ZNF410: variants seen among roughly 807,000 people sequenced by gnomAD.
The protein encoded by ZNF410 is another partner for ARF 1.
Under a neutral mutation model 54.8 loss-of-function variants are expected in ZNF410, and 18 were observed. The observed-to-expected ratio is 0.33, with a 90% CI of 0.23 to 0.49. The LOEUF is 0.49. ZNF410 is among the 20% of genes least tolerant of loss of function. The pLI is 0.99. For synonymous variants in ZNF410, 191 were observed against 207.3 expected, an observed-to-expected ratio of 0.92 and a Z score of 0.68; for missense variants, 405 against 569.6, an observed-to-expected ratio of 0.71 and a Z score of 2.94.
At chr14:73,896,079 C>T (rs1006513893) in intron 3 of ZNF410, 13 of 511,164 alleles carry the variant, frequency 2.5e-5, no homozygotes, top group Non-Finnish European at 3.8e-5. Context: ...TGGTTATTCA[C>T]CAACCATTAC....
chr14:73,892,282 A>G, intron 2 of ZNF410, 74 bp downstream of exon 2: 6 of 1,507,428 alleles, frequency 4.0e-6, no homozygotes, highest in Non-Finnish European at 4.5e-6. Context: ...TTAGGGGGTC[A>G]GCAAACTTTT....
intron 8 of ZNF410, among the ~76,000 whole-genome samples, chr14:73,910,745 C>T (rs1378226621): frequency 8.2e-6 from 1 of 121,604 alleles, no homozygotes; most frequent in African/African-American, 3.3e-5. Flanking sequence ...AAGAGCGAAA[C>T]TCCGTCTCAA....
Position 73,931,496 on chromosome 14 carries a change from T to C in ZNF410, c.1399-7T>C. 2 of 1,606,844 alleles carry C rather than the reference T, an allele frequency of 1.2e-6. No homozygotes were observed. Among genetic ancestry groups the C allele is most frequent in the Non-Finnish European group, 1.7e-6 (2 of 1,178,168 alleles). ...CCTATTCTAGATTTGCTTTCAATCT[T>C]TTACAGTTACTAAACCAAGGAGATT... On this transcript the variant is annotated splice_polypyrimidine_tract_variant and splice_region_variant and intron_variant, in intron 11 of 11. Coordinates refer to ENST00000555044, the MANE Select transcript of ZNF410 (RefSeq NM_021188.3).
At chr14:73,890,840 G>A (rs1169061472) in intron 1 of ZNF410, among the ~76,000 whole-genome samples, 8 of 151,860 alleles carry the variant, frequency 5.3e-5, no homozygotes, top group African/African-American at 9.7e-5. Flanking sequence ...TGGAGAAACC[G>A]TCTCTACTAA....
rs375039083 is a variant in ZNF410, at chr14:73,905,968, C to CATATATATATATATATATAT, written c.913+893_913+912dup. On this transcript the variant is annotated intron_variant, in intron 7 of 11. Transcript: ENST00000555044. Reference sequence around the variant, plus strand: ...ATACACACACACACACACACACACACATATATATATATATATATATATATA... The same window carrying CATATATATATATATATATAT: ...ATACACACACACACACACACACACACATATATATATATATATATATATATATATATATATATATATATATA... Among the ~76,000 whole-genome samples, 19 of 78,922 alleles carry CATATATATATATATATATAT rather than the reference C, an allele frequency of 2.4e-4. 1 individual carries two copies. Among genetic ancestry groups the CATATATATATATATATATAT allele is most frequent in the African/African-American group, 7.6e-4 (18 of 23,800 alleles). 51.8% of individuals were successfully genotyped at this position (78,922 alleles called of 152,430 possible).
chr14:73,899,574 C>T (rs188870064), intron 5 of ZNF410, among the ~76,000 whole-genome samples: 1 of 152,276 alleles, frequency 6.6e-6, no homozygotes, highest in Admixed American at 6.5e-5. Flanking sequence ...TTTCCTCTTA[C>T]ATTGAAGAAA....
chr14:73,892,003 C>T, intron 1 of ZNF410, 24 bp from the exon 2 acceptor site: 1 of 673,988 alleles, frequency 1.5e-6, no homozygotes, highest in East Asian at 2.7e-5. Flanking sequence ...AATGCCCCCT[C>T]TCTCTTTTTT....
intron 3 of ZNF410, among the ~76,000 whole-genome samples, chr14:73,895,770 G>T (rs1316633842): frequency 6.6e-6 from 1 of 152,166 alleles, no homozygotes; most frequent in Non-Finnish European, 1.5e-5. Flanking sequence ...TTTGAGACCA[G>T]CCTGGCTGGT....
intron 2 of ZNF410, 78 bp from the exon 3 acceptor site, chr14:73,893,716 ATAT>A: frequency 6.7e-7 from 1 of 1,489,224 alleles, no homozygotes; most frequent in African/African-American, 1.4e-5. Context: ...AACAGTCTTA[ATAT>A]TATCTTTTGG....
chr14:73,887,615 G>A lies in ZNF410; in HGVS notation c.-150+700G>A, dbSNP rs145408638. 1.5e-4 allele frequency among the ~76,000 whole-genome samples: 23 copies of A among 152,306 alleles called. No homozygotes were observed. The East Asian group carries it at 4.4e-3, about 29-fold the overall frequency. ...TAAATATTATTAACTTGGGACTTAA[G>A]AATTAGTACTTAGGTTGGAACGAAG... is the stretch of plus-strand genomic sequence containing the variant. On this transcript the variant is annotated intron_variant, in intron 1 of 11. Transcript: ENST00000555044.
chr14:73,892,032 A>C lies in ZNF410; in HGVS notation c.-144A>C, dbSNP rs764169309. The C allele has an allele frequency of 2.9e-5, 27 of 926,246 alleles. No homozygotes were observed. In the South Asian group the frequency reaches 3.4e-4, roughly 12 times the overall value. 57.4% of individuals were successfully genotyped at this position (926,246 alleles called of 1,614,324 possible). A position where few individuals can be genotyped will look rare whatever the true frequency, so the allele number is the denominator to read the frequency against. On this transcript the variant is annotated 5_prime_UTR_variant, in exon 2 of 12. Transcript: ENST00000555044. The stretch of plus-strand genomic sequence containing the variant: ...CTTTTTTACCCCTATTCTAGGTTAC[A>C]TTGATTACCCACCTAGTACAACATC...
In ZNF410 at chr14:73,921,075, G is replaced by A; in HGVS notation, c.1099G>A (p.Ala367Thr). 6.2e-7 allele frequency: 1 copy of A among 1,614,142 alleles called. No homozygotes were observed. Among genetic ancestry groups the A allele is most frequent in the Non-Finnish European group, 8.5e-7 (1 of 1,180,010 alleles). The change falls in exon 9 of 12, where the codon GCA (alanine) becomes ACA (threonine). Residue 367 changes from alanine to threonine, a missense_variant. This residue lies in a region of ZNF410 where 127 missense variants were observed against 141.3 expected (regional missense o/e 0.90). Transcript: ENST00000555044. Reference sequence around the variant, plus strand: ...GAGAAAGCATCACCTGCAGCTGGGAGCAGCTGGGAGTCAAGAGCAGGAGCA... The same window carrying A: ...GAGAAAGCATCACCTGCAGCTGGGAACAGCTGGGAGTCAAGAGCAGGAGCA... Reference protein sequence around the residue: ...HMRKHHLQLGAAGSQEQEQTA... With the variant: ...HMRKHHLQLGTAGSQEQEQTA...
intron 3 of ZNF410, 139 bp downstream of exon 3, chr14:73,894,071 A>G (rs143454328): frequency 2.7e-6 from 3 of 1,100,836 alleles, no homozygotes; most frequent in African/African-American, 3.1e-5. Context: ...AGAAAAAGCA[A>G]CCATGAAATC....
intron 7 of ZNF410, among the ~76,000 whole-genome samples, chr14:73,907,512 T>C (rs561266468): frequency 3.5e-4 from 54 of 152,164 alleles, no homozygotes; most frequent in African/African-American, 1.2e-3. Flanking sequence ...GGAGAAGTGC[T>C]TGAACTCGGG....
rs894637068 is a variant in ZNF410 at position 73,920,968 on chromosome 14, T to C, written c.1004-12T>C. On this transcript the variant is annotated splice_polypyrimidine_tract_variant and intron_variant, in intron 8 of 11. Transcript: ENST00000555044. ...CTTTTGGCTTCCTTGTTTAACCTGG[T>C]CCCTGTTTCAGGAGAGAAGCCTCAT... 4 of 1,613,710 alleles carry C rather than the reference T, an allele frequency of 2.5e-6. No individual in the cohort carries two copies. The Admixed American group carries it at 5.0e-5, about 20-fold the overall frequency.
intron 3 of ZNF410, chr14:73,894,514 C>T (rs1298076146): frequency 1.5e-6 from 1 of 670,468 alleles, no homozygotes; most frequent in African/African-American, 1.8e-5. Flanking sequence ...CTCCGCCTCC[C>T]CTCCCAGGTT....
At chr14:73,918,685 CCT>C (rs1491258827) in intron 8 of ZNF410, among the ~76,000 whole-genome samples, 4 of 122,694 alleles carry the variant, frequency 3.3e-5, no homozygotes, top group South Asian at 2.7e-4. Context: ...TTTCATATGG[CCT>C]TTTTTTTTTT....
chr14:73,893,747 A>G, intron 2 of ZNF410, 50 bp from the exon 3 acceptor site: 1 of 1,563,530 alleles, frequency 6.4e-7, no homozygotes, highest in Non-Finnish European at 8.6e-7. Context: ...AAAGGTTTAG[A>G]TACATTTCTA....
chr14:73,892,324 G>T, intron 2 of ZNF410, 116 bp downstream of exon 2: 2 of 977,702 alleles, frequency 2.0e-6, no homozygotes, highest in African/African-American at 1.7e-5. Flanking sequence ...AATATTTTAG[G>T]TTTTTTAAGC....
Sources: gnomAD v4.1 joint callset for allele counts (sites outside exome capture counted in the v4.1 genomes callset) on GRCh38, gnomAD v4.1.1 for gene constraint, gnomAD v4.1.1 regional missense constraint, MANE v1.5 for transcripts, NCBI Gene and HGNC (gene_info 2026-07-23, HGNC 2026-07-21) for gene names.